SYNE1: variants seen among roughly 807,000 people sequenced by gnomAD.
SYNE1 encodes spectrin repeat containing nuclear envelope protein 1, also known as nesprin-1.
Under a neutral mutation model 1,111.0 loss-of-function variants are expected in SYNE1, and 616 were observed. The ratio of observed to expected loss-of-function variants is 0.55; its 90% CI spans 0.52 to 0.59. SYNE1 has a LOEUF of 0.59. SYNE1 is among the 20% of genes least tolerant of loss of function. The pLI, the probability that SYNE1 is intolerant of heterozygous loss-of-function variation, is 0.00. For synonymous variants in SYNE1, 3,855 were observed against 3,825.8 expected, an observed-to-expected ratio of 1.01 and a Z score of -0.28; for missense variants, 10,006 against 10,417.0, an observed-to-expected ratio of 0.96 and a Z score of 1.72.
In SYNE1 at chr6:152,330,799, A is replaced by C. The variant is rs1045031336; in HGVS notation, c.13886T>G (p.Ile4629Arg). 3 of 1,613,814 alleles carry C rather than the reference A, an allele frequency of 1.9e-6. No individual in the cohort carries two copies. The highest frequency in any genetic ancestry group is 2.2e-5 in the East Asian group (1 of 44,898). Residue 4629 changes from isoleucine to arginine, a missense_variant, in exon 78 of 146, where the codon ATA becomes AGA. Physicochemically the swap from Ile to Arg is moderately conservative, Grantham distance 97. Around this residue, in one of 7 missense-constraint regions of SYNE1, gnomAD observed 4,955 missense variants for 5,017.2 expected, o/e 0.99. Transcript: ENST00000367255. ...ATCGACTTCATTCAGCGATGGTAAT[A>C]TGGTCTGCCCAGTTCTCTGCAGCGT... ...LLTLQRTGQTILPSLNEVDHS... is the reference protein window; with the variant it reads ...LLTLQRTGQTRLPSLNEVDHS...
intron 59 of SYNE1, among the ~76,000 whole-genome samples, chr6:152,372,123 A>G (rs759802361): frequency 6.6e-6 from 1 of 152,160 alleles, no homozygotes; most frequent in Non-Finnish European, 1.5e-5. Flanking sequence ...AATCAATGCT[A>G]AATATGCTAC....
intron 3 of SYNE1, among the ~76,000 whole-genome samples, chr6:152,600,208 G>A (rs139102362): frequency 7.5e-4 from 114 of 152,260 alleles, no homozygotes; most frequent in Admixed American, 1.4e-3. Flanking sequence ...AAGAGGTGAC[G>A]AAACAAAACA....
chr6:152,268,783 T>C (rs1562649018), intron 99 of SYNE1, among the ~76,000 whole-genome samples: 1 of 152,074 alleles, frequency 6.6e-6, no homozygotes, highest in Non-Finnish European at 1.5e-5. Context: ...TTAAAAAAAA[T>C]AACAAACATG....
chr6:152,396,736 TG>T, intron 50 of SYNE1, 38 bp downstream of exon 50: 4 of 1,568,304 alleles, frequency 2.6e-6, no homozygotes, highest in Non-Finnish European at 2.6e-6. Flanking sequence ...AAAACACACT[TG>T]GTGTATGATG....
intron 6 of SYNE1, 122 bp from the exon 7 acceptor site, chr6:152,511,225 TGGGAGTAAGTAGAGTG>T: frequency 1.2e-6 from 1 of 860,628 alleles, no homozygotes; most frequent in Non-Finnish European, 1.9e-6. Context: ...TAATAGTACA[TGGGAGTAAGTAGAGTG>T]AGGCACCGAA....
At chr6:152,368,236 T>C (rs1001304830) in intron 61 of SYNE1, 1 of 152,320 alleles carries the variant, frequency 6.6e-6, no homozygotes, top group Admixed American at 6.5e-5. Flanking sequence ...GTTAAAAACA[T>C]AGGAAACAAA....
At chr6:152,196,713 T>C (rs887093515) in intron 127 of SYNE1, among the ~76,000 whole-genome samples, 18 of 151,846 alleles carry the variant, frequency 1.2e-4, no homozygotes, top group Admixed American at 3.3e-4. Context: ...GGGGTGTCTT[T>C]TGGAGCTGCA....
At chr6:152,145,447 AG>A (rs753323428) in intron 137 of SYNE1, 5 of 1,583,584 alleles carry the variant, frequency 3.2e-6, no homozygotes, top group Non-Finnish European at 4.3e-6. Context: ...ATTGCTATAC[AG>A]GGGAGGGAGG....
intron 1 of SYNE1, 143 bp downstream of exon 1, chr6:152,637,045 GC>G (rs906996639): frequency 1.3e-5 from 2 of 152,342 alleles, no homozygotes; most frequent in Non-Finnish European, 2.9e-5. Flanking sequence ...GGCCGGTTCA[GC>G]CTCTGGGCAG....
At chr6:152,376,202 G>A (rs2097278306) in intron 58 of SYNE1, 179 bp downstream of exon 58, 6 of 621,012 alleles carry the variant, frequency 9.7e-6, no homozygotes, top group South Asian at 5.6e-5. Context: ...TCTGACAGGA[G>A]GTGGAGCTCA....
intron 132 of SYNE1, 74 bp downstream of exon 132, chr6:152,155,836 G>T: frequency 6.4e-7 from 1 of 1,565,588 alleles, no homozygotes; most frequent in Non-Finnish European, 8.8e-7. Flanking sequence ...AGAGTGAACA[G>T]TGGATACTCT....
At chr6:152,516,607 GAA>G (rs2099113182) in intron 6 of SYNE1, among the ~76,000 whole-genome samples, 1 of 152,016 alleles carries the variant, frequency 6.6e-6, no homozygotes. Context: ...TTTTTTAAGA[GAA>G]AGAGTCTTGC....
At chr6:152,258,877 T>C (rs2091450292) in intron 101 of SYNE1, among the ~76,000 whole-genome samples, 1 of 152,018 alleles carries the variant, frequency 6.6e-6, no homozygotes, top group South Asian at 2.1e-4. Flanking sequence ...CCTGAATAGC[T>C]TGGATTACAG....
At chr6:152,237,912 C>T (rs973587890) in intron 108 of SYNE1, among the ~76,000 whole-genome samples, 3 of 152,170 alleles carry the variant, frequency 2.0e-5, no homozygotes, top group African/African-American at 7.2e-5. Flanking sequence ...GCTCACTTCA[C>T]TGTGCAGTTG....
chr6:152,139,236 G>T (rs1471778813), intron 140 of SYNE1, among the ~76,000 whole-genome samples: 3 of 152,110 alleles, frequency 2.0e-5, no homozygotes, highest in Non-Finnish European at 2.9e-5. Flanking sequence ...TATTTACATG[G>T]TGTATAGTTC....
intron 98 of SYNE1, chr6:152,277,368 C>T (rs763002166): frequency 2.0e-5 from 3 of 147,060 alleles, no homozygotes; most frequent in African/African-American, 7.6e-5. Flanking sequence ...ATCTCCACCT[C>T]CCAGGTTCAA....
Position 152,461,631 on chromosome 6 carries a change from G to T in SYNE1, c.2360C>A (p.Ala787Glu), listed in dbSNP as rs147406318. Residue 787 changes from alanine to glutamate, a missense_variant, in exon 21 of 146, where the codon GCG becomes GAG. Physicochemically the swap from Ala to Glu is moderately radical, Grantham distance 107. Transcript: ENST00000367255. The part of the protein sequence containing the change: ...SPQEEGKEMF[A>E]TMSKLKEQLT... ...CTGCTCTTTGAGCTTTGACATGGTC[G>T]CAAACATTTCTTTTCCTTCTTCTTG... 128 of 1,613,754 alleles carry T rather than the reference G, an allele frequency of 7.9e-5. No homozygotes were observed. The highest frequency in any genetic ancestry group is 1.1e-4 in the Non-Finnish European group (126 of 1,179,908).
intron 4 of SYNE1, among the ~76,000 whole-genome samples, chr6:152,536,277 C>T (rs1040046158): frequency 2.7e-5 from 4 of 148,058 alleles, no homozygotes; most frequent in Non-Finnish European, 5.9e-5. Context: ...CATGACCACC[C>T]TTTATTAAAA....
chr6:152,569,305 G>C (rs1408147021), intron 3 of SYNE1, among the ~76,000 whole-genome samples: 1 of 152,052 alleles, frequency 6.6e-6, no homozygotes, highest in Non-Finnish European at 1.5e-5. Context: ...CAATTTCCTG[G>C]GTTTAGTTTA....
Sources: gnomAD v4.1 joint callset for allele counts (sites outside exome capture counted in the v4.1 genomes callset) on GRCh38, gnomAD v4.1.1 for gene constraint, gnomAD v4.1.1 regional missense constraint, MANE v1.5 for transcripts, NCBI Gene and HGNC (gene_info 2026-07-23, HGNC 2026-07-21) for gene names.